Variants in PM20D2 observed in about 807,000 individuals in gnomAD.
PM20D2 encodes the protein xaa-Arg dipeptidase.
A neutral mutation model predicts 42.9 loss-of-function variants in PM20D2; 33 were observed. The observed-to-expected ratio is 0.77, with a 90% CI of 0.58 to 1.03. PM20D2 has a LOEUF of 1.03. PM20D2 is among the 50% of genes least tolerant of loss of function. PM20D2 has a pLI of 0.00. For synonymous variants in PM20D2, 250 were observed against 228.2 expected, an observed-to-expected ratio of 1.10 and a Z score of -0.86; for missense variants, 548 against 557.0, an observed-to-expected ratio of 0.98 and a Z score of 0.16.
chr6:89,145,287 C>G (rs1770487943), upstream of PM20D2, among the ~76,000 whole-genome samples: 1 of 152,196 alleles, frequency 6.6e-6, no homozygotes, highest in East Asian at 1.9e-4. Context: ...GTAACACCAG[C>G]TGCACATATC....
the PM20D2 span, among the ~76,000 whole-genome samples, chr6:89,114,568 T>G: frequency 3.3e-5 from 5 of 151,678 alleles, no homozygotes; most frequent in East Asian, 9.7e-4. Context: ...TGTAATATAA[T>G]CTTGTAGATT....
chr6:89,152,407 C>T (rs746894538), intron 2 of PM20D2, among the ~76,000 whole-genome samples: 1 of 151,872 alleles, frequency 6.6e-6, no homozygotes. Flanking sequence ...AATCCTTTCT[C>T]TAATCTTTTT....
At chr6:89,109,624 GC>G in the PM20D2 span, among the ~76,000 whole-genome samples, 1 of 152,174 alleles carries the variant, frequency 6.6e-6, no homozygotes, top group African/African-American at 2.4e-5. Context: ...GAGTCTGGAA[GC>G]CAAGGGTGAT....
chr6:89,119,493 A>C, the PM20D2 span, among the ~76,000 whole-genome samples: 1 of 152,226 alleles, frequency 6.6e-6, no homozygotes, highest in African/African-American at 2.4e-5. Flanking sequence ...GAAGAGTTGG[A>C]AAATGAGGCT....
At chr6:89,115,635 T>C in the PM20D2 span, among the ~76,000 whole-genome samples, 140 of 131,926 alleles carry the variant, frequency 1.1e-3, no homozygotes, top group African/African-American at 3.0e-3. Flanking sequence ...TTCTTTCTTT[T>C]TTTTTTTTTT....
At chr6:89,134,139 A>G in the PM20D2 span, among the ~76,000 whole-genome samples, 1 of 151,170 alleles carries the variant, frequency 6.6e-6, no homozygotes, top group South Asian at 2.1e-4. Flanking sequence ...GCATTTATTC[A>G]GCACACATTA....
the PM20D2 span, among the ~76,000 whole-genome samples, chr6:89,138,472 T>C: frequency 6.6e-6 from 1 of 152,198 alleles, no homozygotes; most frequent in Non-Finnish European, 1.5e-5. Context: ...TTCTAGGTTT[T>C]TGGAAATTTT....
chr6:89,117,735 G>C, the PM20D2 span: 2 of 1,325,516 alleles, frequency 1.5e-6, no homozygotes, highest in Non-Finnish European at 2.0e-6. Flanking sequence ...GCTCCCCCGA[G>C]CCTCCGCCGG....
At chr6:89,157,089 T>C (rs907403742) in intron 4 of PM20D2, among the ~76,000 whole-genome samples, 1 of 152,072 alleles carries the variant, frequency 6.6e-6, no homozygotes, top group Non-Finnish European at 1.5e-5. Context: ...TTTAATTTAA[T>C]TTATTTATTT....
intron 3 of PM20D2, 130 bp from the exon 4 acceptor site, chr6:89,154,618 G>A: frequency 1.7e-6 from 1 of 594,678 alleles, no homozygotes; most frequent in Non-Finnish European, 2.8e-6. Flanking sequence ...TTTGATTGGT[G>A]TATTGGTGGA....
chr6:89,113,523 C>T, the PM20D2 span, among the ~76,000 whole-genome samples: 3 of 152,080 alleles, frequency 2.0e-5, no homozygotes, highest in Admixed American at 2.0e-4. Context: ...TAGCCAGGCT[C>T]ATCTCGAACT....
At chr6:89,110,874 G>C in the PM20D2 span, among the ~76,000 whole-genome samples, 1 of 152,106 alleles carries the variant, frequency 6.6e-6, no homozygotes, top group Non-Finnish European at 1.5e-5. Context: ...CCAGCAGTTT[G>C]GGAGGCCAAG....
In PM20D2 at chr6:89,162,394, G is replaced by T. The variant is rs1771275954; in HGVS notation, c.*131G>T. On this transcript the variant is annotated 3_prime_UTR_variant, in exon 7 of 7. Transcript: ENST00000275072. ...TTTTTACCTGATAAGTGAGGACAGG[G>T]TGTGGAGAAAACATATTAATTACCT... is the stretch of plus-strand genomic sequence containing the variant. The T allele has an allele frequency of 6.1e-6, 6 of 978,138 alleles. No individual in the cohort carries two copies. Among genetic ancestry groups the T allele is most frequent in the East Asian group, 2.7e-5 (1 of 37,390 alleles). 60.6% of individuals were successfully genotyped at this position (978,138 alleles called of 1,614,324 possible).
At chr6:89,127,633 G>T in the PM20D2 span, among the ~76,000 whole-genome samples, 1 of 152,194 alleles carries the variant, frequency 6.6e-6, no homozygotes, top group South Asian at 2.1e-4. Context: ...TAGCTGAAAT[G>T]CTCTTCCAAA....
chr6:89,103,755 T>C, the PM20D2 span, among the ~76,000 whole-genome samples: 1 of 152,140 alleles, frequency 6.6e-6, no homozygotes, highest in African/African-American at 2.4e-5. Context: ...CCACTGCACC[T>C]GGTCCATATA....
chr6:89,103,525 C>T, the PM20D2 span, among the ~76,000 whole-genome samples: 8,319 of 150,136 alleles, frequency 0.055, 633 homozygotes, highest in African/African-American at 0.18. Context: ...CACGGGGTTT[C>T]GCCATGTTGG....
intron 4 of PM20D2, among the ~76,000 whole-genome samples, chr6:89,157,051 G>A (rs1771073308): frequency 2.0e-5 from 3 of 151,944 alleles, no homozygotes; most frequent in Admixed American, 6.6e-5. Context: ...TTATGGTAAG[G>A]TTTGTTGTTA....
At chr6:89,158,735 T>C (rs1471711629) in intron 5 of PM20D2, among the ~76,000 whole-genome samples, 2 of 152,198 alleles carry the variant, frequency 1.3e-5, no homozygotes, top group Non-Finnish European at 2.9e-5. Context: ...TTTTAATTTT[T>C]AAGTAAGTTG....
chr6:89,117,683 C>A, the PM20D2 span: 1 of 800,564 alleles, frequency 1.2e-6, no homozygotes, highest in Non-Finnish European at 1.8e-6. Flanking sequence ...GCTCACACCT[C>A]CCCAAGTGGC....
Sources: allele counts gnomAD v4.1 joint callset (sites outside exome capture counted in the v4.1 genomes callset), GRCh38; gene constraint gnomAD v4.1.1; transcripts MANE v1.5; gene names NCBI Gene and HGNC (gene_info 2026-07-23, HGNC 2026-07-21).